PLPP4: variants seen among roughly 807,000 people sequenced by gnomAD.
PLPP4 encodes diacylglycerol pyrophosphate like 2.
PLPP4 carries 20 observed loss-of-function variants against 32.2 expected under a neutral mutation model. That is an observed-to-expected ratio of 0.62 (90% CI 0.44 to 0.90). The LOEUF (loss-of-function observed/expected upper bound fraction) is 0.90. Ranked by LOEUF, PLPP4 falls within the 40% of genes least tolerant of loss-of-function variation. The pLI is 0.00. For synonymous variants in PLPP4, 127 were observed against 133.0 expected, an observed-to-expected ratio of 0.95 and a Z score of 0.31; for missense variants, 257 against 353.1, an observed-to-expected ratio of 0.73 and a Z score of 2.18.
intron 3 of PLPP4, among the ~76,000 whole-genome samples, chr10:120,516,118 G>C (rs1227284081): frequency 6.6e-6 from 1 of 152,196 alleles, no homozygotes; most frequent in Non-Finnish European, 1.5e-5. Flanking sequence ...CTCCCATTGT[G>C]TGTAGAGGTT....
At chr10:120,464,454 C>T (rs1253104734) in intron 1 of PLPP4, among the ~76,000 whole-genome samples, 1 of 152,170 alleles carries the variant, frequency 6.6e-6, no homozygotes. Context: ...CACAGGATTT[C>T]TAGACAAGAA....
At chr10:120,573,935 G>A (rs911782599) in intron 5 of PLPP4, among the ~76,000 whole-genome samples, 2 of 152,086 alleles carry the variant, frequency 1.3e-5, no homozygotes, top group African/African-American at 4.8e-5. Flanking sequence ...GGCATTGAGA[G>A]TATTTATAAT....
At chr10:120,585,488 A>C (rs1412044778) in intron 6 of PLPP4, among the ~76,000 whole-genome samples, 1 of 152,238 alleles carries the variant, frequency 6.6e-6, no homozygotes, top group East Asian at 1.9e-4. Context: ...TCTGAAGTGG[A>C]ATGTGAGAGG....
intron 1 of PLPP4, among the ~76,000 whole-genome samples, chr10:120,487,633 G>T (rs543617871): frequency 5.3e-5 from 8 of 152,166 alleles, no homozygotes; most frequent in Non-Finnish European, 1.2e-4. Flanking sequence ...ATGAAATAAT[G>T]TATGTTAAGT....
At chr10:120,552,207 T>TGTGA (rs1554893623) in intron 5 of PLPP4, among the ~76,000 whole-genome samples, 1 of 142,416 alleles carries the variant, frequency 7.0e-6, no homozygotes, top group Non-Finnish European at 1.5e-5. Flanking sequence ...TGTGTGTGTG[T>TGTGA]GATGTTATGT....
chr10:120,537,866 C>G (rs11199385), intron 5 of PLPP4, among the ~76,000 whole-genome samples: 5,935 of 151,680 alleles, frequency 0.039, 267 homozygotes, highest in East Asian at 0.16. Context: ...ATCTAAATAC[C>G]ATGAGCGAGC....
In PLPP4 at chr10:120,526,718, G is replaced by A. The variant is rs1401151338; in HGVS notation, c.445+5623G>A. Among the ~76,000 whole-genome samples, 3 of 152,272 alleles carry A rather than the reference G, an allele frequency of 2.0e-5. No homozygotes were observed. The East Asian group carries it at 5.8e-4, about 29-fold the overall frequency. On this transcript the variant is annotated intron_variant, in intron 5 of 6. Transcript: ENST00000398250. ...CTTCCTCAAAAGTTGGAAAGGGGAT[G>A]GTTTCCTGGCTTTGAAGGAGGGGTG...
At position 120,552,634 on chromosome 10, in the gene PLPP4, C is replaced by T. The variant is rs141086337; in HGVS notation, c.446-22497C>T. 1.1e-3 allele frequency among the ~76,000 whole-genome samples: 170 copies of T among 152,276 alleles called. 1 individual carries two copies. The highest frequency in any genetic ancestry group is 3.6e-3 in the African/African-American group (151 of 41,554). The stretch of plus-strand genomic sequence containing the variant: ...CAATCTGGCTGGTGGGTGAGAAGCA[C>T]CATTTTGACTGTCTTGACAAGCGGT... On this transcript the variant is annotated intron_variant, in intron 5 of 6. Coordinates refer to ENST00000398250, the MANE Select transcript of PLPP4 (RefSeq NM_001030059.3).
intron 5 of PLPP4, among the ~76,000 whole-genome samples, chr10:120,534,040 T>C (rs1448322035): frequency 6.6e-6 from 1 of 152,194 alleles, no homozygotes; most frequent in Non-Finnish European, 1.5e-5. Context: ...TATAATTACA[T>C]AATTAACTTT....
rs959691405 is a variant in PLPP4, at chr10:120,503,750, G to A, written c.57-68G>A. On this transcript the variant is annotated intron_variant, in intron 1 of 6. Transcript: ENST00000398250. Reference sequence around the variant, plus strand: ...CACCCTGAGGGTGCATAGAAGGGGGGCCTCCTTGGGAACTTCCCACAGCAA... The same window carrying A: ...CACCCTGAGGGTGCATAGAAGGGGGACCTCCTTGGGAACTTCCCACAGCAA... 5.7e-6 allele frequency: 9 copies of A among 1,586,046 alleles called. No homozygotes were observed. In the African/African-American group the frequency reaches 8.1e-5, roughly 14 times the overall value.
At chr10:120,554,383 T>A (rs1290743375) in intron 5 of PLPP4, among the ~76,000 whole-genome samples, 2 of 152,176 alleles carry the variant, frequency 1.3e-5, no homozygotes, top group African/African-American at 4.8e-5. Context: ...CTATCAGCAT[T>A]TTGGTCACAA....
intron 2 of PLPP4, 140 bp downstream of exon 2, chr10:120,504,066 C>A (rs1402659792): frequency 6.3e-6 from 4 of 635,708 alleles, no homozygotes; most frequent in African/African-American, 1.8e-5. Flanking sequence ...AAATTAAAAT[C>A]CAGTTCCATG....
chr10:120,494,704 G>A (rs1742459993), intron 1 of PLPP4, among the ~76,000 whole-genome samples: 1 of 152,192 alleles, frequency 6.6e-6, no homozygotes, highest in Non-Finnish European at 1.5e-5. Flanking sequence ...TGCTGCAAAG[G>A]AAGCCCCTCT....
intron 5 of PLPP4, among the ~76,000 whole-genome samples, chr10:120,563,805 TCAAAAAAAAA>T (rs1186349893): frequency 4.1e-4 from 2 of 4,918 alleles, no homozygotes; most frequent in Admixed American, 2.8e-3. Context: ...AGACTCCGTC[TCAAAAAAAAA>T]AAAAAAAAAA....
Position 120,562,369 on chromosome 10 carries a change from AC to A in PLPP4, c.446-12760del, listed in dbSNP as rs1284969976. Among the ~76,000 whole-genome samples the A allele has an allele frequency of 2.0e-5, 3 of 152,306 alleles. No homozygotes were observed. The East Asian group carries it at 5.8e-4, about 29-fold the overall frequency. On this transcript the variant is annotated intron_variant, in intron 5 of 6. Transcript: ENST00000398250. ...TTGAGTTTTCTACATAGAAAATCAT[AC>A]CACCTGCAAATAAGTACAGTTTCAT... is the stretch of plus-strand genomic sequence containing the variant.
At chr10:120,509,348 C>T (rs964411396) in intron 2 of PLPP4, among the ~76,000 whole-genome samples, 3 of 152,184 alleles carry the variant, frequency 2.0e-5, no homozygotes, top group African/African-American at 7.2e-5. Flanking sequence ...CTGAACTCAC[C>T]TCTCCTCAAT....
intron 1 of PLPP4, among the ~76,000 whole-genome samples, chr10:120,477,652 G>C (rs1428867411): frequency 2.6e-5 from 4 of 152,194 alleles, no homozygotes; most frequent in Non-Finnish European, 4.4e-5. Flanking sequence ...GTCATTTCCT[G>C]GCGTGGCCTT....
chr10:120,498,188 T>C (rs990321848), intron 1 of PLPP4, among the ~76,000 whole-genome samples: 12 of 152,246 alleles, frequency 7.9e-5, no homozygotes, highest in Admixed American at 5.9e-4. Flanking sequence ...GTAGTAACTT[T>C]GCTTTTCAAT....
intron 3 of PLPP4, among the ~76,000 whole-genome samples, chr10:120,518,341 ACAGCTGTCGGC>A (rs1300699961): frequency 6.6e-6 from 1 of 152,198 alleles, no homozygotes; most frequent in African/African-American, 2.4e-5. Context: ...TAACAAATGG[ACAGCTGTCGGC>A]CGGTGATGGG....
Sources: gnomAD v4.1 joint callset for allele counts (sites outside exome capture counted in the v4.1 genomes callset) on GRCh38, gnomAD v4.1.1 for gene constraint, MANE v1.5 for transcripts, NCBI Gene and HGNC (gene_info 2026-07-23, HGNC 2026-07-21) for gene names.